Variants in GMNN observed in about 807,000 individuals in gnomAD.
GMNN encodes geminin DNA replication inhibitor, also known as geminin.
A neutral mutation model predicts 20.9 loss-of-function variants in GMNN; 14 were observed. The observed-to-expected ratio is 0.67, with a 90% confidence interval of 0.44 to 1.05. The LOEUF is 1.05. GMNN is among the 50% of genes least tolerant of loss of function. GMNN has a pLI of 0.00. For missense variants in GMNN, 227 were observed against 243.8 expected, an observed-to-expected ratio of 0.93 and a Z score of 0.46; for synonymous variants, 81 against 85.8, an observed-to-expected ratio of 0.94 and a Z score of 0.31.
intron 4 of GMNN, 27 bp from the exon 5 acceptor site, chr6:24,784,060 A>G: frequency 9.4e-7 from 1 of 1,060,184 alleles, no homozygotes; most frequent in Non-Finnish European, 1.4e-6. Flanking sequence ...AATGATTTTT[A>G]AAGTTATATT....
Position 24,781,596 on chromosome 6 carries a change from G to A in GMNN, c.249G>A (p.Gln83=). ...ATAAAAATCTTGGAGGAGTCACCCAGGAGTCATTTGATCTTATGATTAAAG... is the reference window on the plus strand; with the variant it reads ...ATAAAAATCTTGGAGGAGTCACCCAAGAGTCATTTGATCTTATGATTAAAG... The part of the protein sequence containing the change: ...SENKNLGGVT[Q]ESFDLMIKEN... The change falls in exon 4 of 7, where the codon CAG becomes CAA. Residue 83 remains glutamine, a synonymous_variant. Coordinates refer to ENST00000230056, the MANE Select transcript of GMNN (RefSeq NM_015895.5). 1.3e-6 allele frequency: 2 copies of A among 1,512,382 alleles called. No homozygotes were observed. The highest frequency in any genetic ancestry group is 1.8e-6 in the Non-Finnish European group (2 of 1,112,434). 93.7% of individuals were successfully genotyped at this position (1,512,382 alleles called of 1,614,324 possible). A position where few individuals can be genotyped will look rare whatever the true frequency, so the allele number is the denominator to read the frequency against.
chr6:24,781,538 G>C lies in GMNN; in HGVS notation c.191G>C (p.Ser64Thr). The C allele has an allele frequency of 6.3e-7, 1 of 1,583,566 alleles. No homozygotes were observed. The highest frequency in any genetic ancestry group is 8.6e-7 in the Non-Finnish European group (1 of 1,158,004). Residue 64 changes from serine to threonine, a missense_variant, in exon 4 of 7, where the codon AGC (serine) becomes ACC (threonine). Physicochemically the swap from Ser to Thr is moderately conservative, Grantham distance 58. Coordinates refer to ENST00000230056, the MANE Select transcript of GMNN (RefSeq NM_015895.5). ...RNDHLTSTTS[S>T]PGVIVPESSE... ...GACCACTTAACATCTACAACTTCCA[G>C]CCCTGGGGTTATTGTCCCAGAATCT...
intron 1 of GMNN, among the ~76,000 whole-genome samples, chr6:24,776,369 G>T (rs3756809): frequency 0.072 from 10,930 of 152,148 alleles, 1,145 homozygotes; most frequent in African/African-American, 0.22. Context: ...GCACTTTGGT[G>T]ATCATGCAGG....
intron 2 of GMNN, among the ~76,000 whole-genome samples, chr6:24,780,292 G>A (rs575239671): frequency 6.6e-6 from 1 of 152,256 alleles, no homozygotes; most frequent in East Asian, 1.9e-4. Flanking sequence ...GTTCATTGGA[G>A]CTGAGGAATT....
At chr6:24,776,047 A>G (rs1562189953) in intron 1 of GMNN, among the ~76,000 whole-genome samples, 2 of 152,142 alleles carry the variant, frequency 1.3e-5, no homozygotes, top group Non-Finnish European at 2.9e-5. Context: ...TTAACATGAA[A>G]TAGAGTAGAA....
At chr6:24,777,195 C>A in intron 1 of GMNN, 27 bp from the exon 2 acceptor site, 1 of 778,550 alleles carries the variant, frequency 1.3e-6, no homozygotes, top group South Asian at 1.9e-5. Context: ...TTCGGGGGTG[C>A]AAACCATATT....
chr6:24,778,814 A>G (rs1020369086), intron 2 of GMNN, among the ~76,000 whole-genome samples: 3 of 151,774 alleles, frequency 2.0e-5, no homozygotes, highest in South Asian at 2.1e-4. Context: ...AGCTTCAGCA[A>G]TTACCGCTAT....
chr6:24,780,543 G>A (rs1247065704), intron 2 of GMNN, 120 bp from the exon 3 acceptor site: 1 of 597,348 alleles, frequency 1.7e-6, no homozygotes, highest in Non-Finnish European at 3.0e-6. Flanking sequence ...TGTTGTTAGT[G>A]TTCCTTTTCC....
intron 4 of GMNN, among the ~76,000 whole-genome samples, chr6:24,782,886 GA>G (rs60716450): frequency 0.089 from 12,047 of 135,258 alleles, 1,156 homozygotes; most frequent in African/African-American, 0.24. Flanking sequence ...GTGTAATTTT[GA>G]AAAAAAAAAA....
chr6:24,780,418 T>C (rs1197146690), intron 2 of GMNN, among the ~76,000 whole-genome samples: 1 of 152,266 alleles, frequency 6.6e-6, no homozygotes, highest in Non-Finnish European at 1.5e-5. Flanking sequence ...GATTCATTCT[T>C]AAGAATTCTT....
intron 5 of GMNN, 132 bp from the exon 6 acceptor site, chr6:24,784,312 A>G: frequency 1.5e-6 from 1 of 684,616 alleles, no homozygotes; most frequent in Non-Finnish European, 2.6e-6. Flanking sequence ...TGACAATTAT[A>G]CAAAATGAAT....
At chr6:24,776,435 G>T (rs149599341) in intron 1 of GMNN, among the ~76,000 whole-genome samples, 24 of 152,320 alleles carry the variant, frequency 1.6e-4, no homozygotes, top group African/African-American at 5.5e-4. Context: ...GAGCCACCAC[G>T]CCCGGCCTTT....
intron 3 of GMNN, 93 bp from the exon 4 acceptor site, chr6:24,781,384 G>C: frequency 1.3e-6 from 1 of 749,248 alleles, no homozygotes; most frequent in Non-Finnish European, 2.2e-6. Flanking sequence ...AGTTAGATAT[G>C]CGTACTCTTT....
At chr6:24,780,920 G>T (rs1436432192) in intron 3 of GMNN, among the ~76,000 whole-genome samples, 180 bp downstream of exon 3, 1 of 152,184 alleles carries the variant, frequency 6.6e-6, no homozygotes, top group Non-Finnish European at 1.5e-5. Context: ...TAAGAAGTTC[G>T]TCGGGTGCAG....
At chr6:24,781,979 G>A (rs1780233260) in intron 4 of GMNN, among the ~76,000 whole-genome samples, 1 of 152,110 alleles carries the variant, frequency 6.6e-6, no homozygotes, top group South Asian at 2.1e-4. Flanking sequence ...TACTCAGGAG[G>A]CTGAGTCAGG....
At position 24,775,129 on chromosome 6, in the gene GMNN, C is replaced by A. The variant is rs1415098961; in HGVS notation, c.-141C>A. ...CTCCACCCAGTAAGTGGGCAAGAGG[C>A]GGCAGGAAGTGGGTACGCAGGGGCG... On this transcript the variant is annotated 5_prime_UTR_variant, in exon 1 of 7. Coordinates refer to ENST00000230056, the MANE Select transcript of GMNN (RefSeq NM_015895.5). 1.3e-5 allele frequency: 2 copies of A among 152,474 alleles called. No individual in the cohort carries two copies. The highest frequency in any genetic ancestry group is 2.4e-5 in the African/African-American group (1 of 41,474). 9.4% of individuals were successfully genotyped at this position (152,474 alleles called of 1,614,324 possible).
chr6:24,783,899 T>C (rs1241749903), intron 4 of GMNN, among the ~76,000 whole-genome samples, 188 bp from the exon 5 acceptor site: 1 of 152,120 alleles, frequency 6.6e-6, no homozygotes, highest in Non-Finnish European at 1.5e-5. Flanking sequence ...GTTGTAATTC[T>C]GAAGGATTGA....
intron 2 of GMNN, among the ~76,000 whole-genome samples, chr6:24,778,715 C>A (rs2113573527): frequency 6.6e-6 from 1 of 152,098 alleles, no homozygotes; most frequent in African/African-American, 2.4e-5. Flanking sequence ...ATGATGGCAT[C>A]TTCCCACTGT....
rs963563449 is a variant in GMNN at position 24,780,753 on chromosome 6, T to G, written c.129+13T>G. 7.0e-6 allele frequency: 9 copies of G among 1,279,456 alleles called. No homozygotes were observed. Among genetic ancestry groups the G allele is most frequent in the Non-Finnish European group, 9.2e-6 (8 of 873,910 alleles). 79.3% of individuals were successfully genotyped at this position (1,279,456 alleles called of 1,614,324 possible). ...AAGAGAAAATGAGGTATGCACTATA[T>G]GGCTAAAATGGGGTACTGGTGATAC... is the stretch of plus-strand genomic sequence containing the variant. On this transcript the variant is annotated intron_variant, in intron 3 of 6. Transcript: ENST00000230056.
Sources: gnomAD v4.1 joint callset for allele counts (sites outside exome capture counted in the v4.1 genomes callset) on GRCh38, gnomAD v4.1.1 for gene constraint, MANE v1.5 for transcripts, NCBI Gene and HGNC (gene_info 2026-07-23, HGNC 2026-07-21) for gene names.